The following DNAH10 variants were observed in gnomAD, a reference collection of about 807,000 sequenced individuals.
The protein encoded by DNAH10 is axonemal beta dynein heavy chain 10.
A neutral mutation model predicts 506.6 loss-of-function variants in DNAH10; 348 were observed. The ratio of observed to expected loss-of-function variants is 0.69; its 90% CI spans 0.63 to 0.75. DNAH10 has a LOEUF of 0.75. Ranked by LOEUF, DNAH10 falls within the 30% of genes least tolerant of loss-of-function variation. The probability of loss-of-function intolerance (pLI) is 0.00; values close to 1 mark genes in which losing one functional copy is unlikely to be tolerated. For missense variants in DNAH10, 5,179 were observed against 5,787.1 expected (o/e 0.89, Z 3.41); for synonymous variants, 2,059 against 2,198.6 (o/e 0.94, Z 1.78).
chr12:123,798,522 G>C (rs1241263214), intron 13 of DNAH10, among the ~76,000 whole-genome samples: 1 of 152,112 alleles, frequency 6.6e-6, no homozygotes, highest in Non-Finnish European at 1.5e-5. Context: ...TCGTGATCCA[G>C]TTGCCTCCCA....
chr12:123,888,536 G>C (rs1284188030), intron 52 of DNAH10, among the ~76,000 whole-genome samples: 1 of 152,182 alleles, frequency 6.6e-6, no homozygotes, highest in Non-Finnish European at 1.5e-5. Context: ...ATTCCCACAA[G>C]TCACGGGACA....
chr12:123,850,825 T>C lies in DNAH10; in HGVS notation c.6103-63T>C, dbSNP rs1023640520. On this transcript the variant is annotated intron_variant, in intron 34 of 78. Transcript: ENST00000673944. The surrounding 1 kb of genome is among the most constrained non-coding windows in gnomAD (Gnocchi z 5.5). ...CACGCAGCTCGCCGCAGGCCCCCTTTCCAAGGGGCTGGCCGGCCGGGCCAC... is the reference window on the plus strand; with the variant it reads ...CACGCAGCTCGCCGCAGGCCCCCTTCCCAAGGGGCTGGCCGGCCGGGCCAC... The C allele has an allele frequency of 9.8e-6, 15 of 1,527,768 alleles. No homozygotes were observed. In the African/African-American group the frequency reaches 1.9e-4, roughly 20 times the overall value. 94.6% of individuals were successfully genotyped at this position (1,527,768 alleles called of 1,614,324 possible).
At position 123,931,638 on chromosome 12, in the gene DNAH10, G is replaced by T. The variant is rs1342473452; in HGVS notation, c.12919G>T (p.Glu4307Ter). 6.2e-7 allele frequency: 1 copy of T among 1,613,814 alleles called. No homozygotes were observed. Among genetic ancestry groups the T allele is most frequent in the South Asian group, 1.1e-5 (1 of 91,066 alleles). ...HLLELQPQTGESSSGISRDDY... is the reference protein window; with the variant it reads ...HLLELQPQTG ...TCTGAAAAGTGTCCTGGTTTTAGGG[G>T]AATCCAGCAGTGGTATCAGCCGCGA... Residue 4307 changes from glutamate to a stop codon, truncating the protein, a stop_gained and splice_region_variant, in exon 75 of 79, where the codon GAA becomes TAA. Transcript: ENST00000673944. LOFTEE classifies it high-confidence loss of function.
intron 26 of DNAH10, 103 bp downstream of exon 26, chr12:123,830,802 G>T: frequency 1.8e-6 from 2 of 1,114,684 alleles, no homozygotes; most frequent in Non-Finnish European, 2.4e-6. Flanking sequence ...AAAATTAGCT[G>T]AGCGTGGTGG....
At chr12:123,767,734 C>T (rs529694798) in intron 2 of DNAH10, 45 bp downstream of exon 2, 2 of 1,543,464 alleles carry the variant, frequency 1.3e-6, no homozygotes, top group South Asian at 1.2e-5. Context: ...CTGAGAAAGC[C>T]CCCCCGCAGC....
At chr12:123,819,700 G>GTTTTTT (rs768231077) in intron 23 of DNAH10, among the ~76,000 whole-genome samples, 2 of 101,840 alleles carry the variant, frequency 2.0e-5, no homozygotes, top group African/African-American at 4.0e-5. Flanking sequence ...CTAAAATTCT[G>GTTTTTT]TTTTTTTTTT....
rs544814907 is a variant in DNAH10, at chr12:123,865,540, G to C, written c.7045-411G>C. On this transcript the variant is annotated intron_variant, in intron 40 of 78. Coordinates refer to ENST00000673944, the MANE Select transcript of DNAH10 (RefSeq NM_001372106.1). ...TAGGTTTGTTAATATATCTGGTTTAGCTTTGTACTTATGAAGTTTTATACT... is the reference window on the plus strand; with the variant it reads ...TAGGTTTGTTAATATATCTGGTTTACCTTTGTACTTATGAAGTTTTATACT... Among the ~76,000 whole-genome samples, 4 of 151,972 alleles carry C rather than the reference G, an allele frequency of 2.6e-5. No homozygotes were observed. In the East Asian group the frequency reaches 7.7e-4, roughly 29 times the overall value.
chr12:123,902,829 C>T lies in DNAH10; in HGVS notation c.9641-110C>T. On this transcript the variant is annotated intron_variant, in intron 56 of 78. Transcript: ENST00000673944. This position sits in a 1 kb window ranked among gnomAD's most constrained non-coding sequence, Gnocchi z 4.5. ...CACATTGGCCAGAGCCCCTTAGATC[C>T]CCGCTAGGGCTCAAGCCAACCTTTG... The T allele has an allele frequency of 7.3e-7, 1 of 1,362,384 alleles. No homozygotes were observed. Among genetic ancestry groups the T allele is most frequent in the Non-Finnish European group, 9.8e-7 (1 of 1,022,874 alleles). The allele number at this position is 1,362,384 out of a possible 1,614,324, so 84.4% of individuals were successfully genotyped here. A position where few individuals can be genotyped will look rare whatever the true frequency, so the allele number is the denominator to read the frequency against.
rs184981123 is a variant in DNAH10 at position 123,845,750 on chromosome 12, C to T, written c.5511C>T (p.Ile1837=). The T allele has an allele frequency of 2.0e-4, 329 of 1,613,906 alleles. 1 individual carries two copies. In the African/African-American group the frequency reaches 3.5e-3, roughly 17 times the overall value. Residue 1837 remains isoleucine, a synonymous_variant, in exon 31 of 79, where the codon ATC becomes ATT. Transcript: ENST00000673944. The stretch of plus-strand genomic sequence containing the variant: ...ATGGCAGGAAAATGCACCGGCAGAT[C>T]GATGAGTTGGTAACGCGCATCACCA... The part of the protein sequence containing the change: ...KNYGRKMHRQ[I]DELVTRITMP...
chr12:123,910,818 G>A (rs1261336052), intron 59 of DNAH10, 146 bp downstream of exon 59: 2 of 1,063,122 alleles, frequency 1.9e-6, no homozygotes, highest in Non-Finnish European at 1.3e-6. Flanking sequence ...CCAATAAATG[G>A]CAATCCTGAA....
At chr12:123,827,597 G>A (rs1230830752) in intron 25 of DNAH10, among the ~76,000 whole-genome samples, 2 of 152,126 alleles carry the variant, frequency 1.3e-5, no homozygotes, top group Non-Finnish European at 2.9e-5. Flanking sequence ...CCTCATTTGT[G>A]AGTTATGCTT....
chr12:123,865,189 G>A (rs1402042925), intron 40 of DNAH10, among the ~76,000 whole-genome samples: 2 of 152,134 alleles, frequency 1.3e-5, no homozygotes, highest in Non-Finnish European at 2.9e-5. Flanking sequence ...TTCTTTTAGA[G>A]CCATTTCCTT....
Position 123,924,339 on chromosome 12 carries a change from A to T in DNAH10, c.11673A>T (p.Gly3891=). 1 of 1,613,602 alleles carries T rather than the reference A, an allele frequency of 6.2e-7. No individual in the cohort carries two copies. Among genetic ancestry groups the T allele is most frequent in the Non-Finnish European group, 8.5e-7 (1 of 1,179,670 alleles). The change falls in exon 67 of 79, where the codon GGA becomes GGT. Residue 3891 remains glycine, a synonymous_variant. Coordinates refer to ENST00000673944, the MANE Select transcript of DNAH10 (RefSeq NM_001372106.1). ...CCTGCGCTTGGTTGTCTGACCAAGG[A>T]TGGGAAGATATCATTCTTTTATCAG... is the stretch of plus-strand genomic sequence containing the variant. ...KKPCAWLSDQ[G]WEDIILLSEM...
In DNAH10 at chr12:123,901,653, A is replaced by T. The variant is rs193039203; in HGVS notation, c.9641-1286A>T. Among the ~76,000 whole-genome samples the T allele has an allele frequency of 4.4e-3, 676 of 152,286 alleles. 4 individuals are homozygous for T. Among genetic ancestry groups the T allele is most frequent in the African/African-American group, 0.015 (618 of 41,558 alleles). ...GAAAACAACAGACATTTATTTTTTT[A>T]AATTAATTAATTAATTTATTTTTTT... On this transcript the variant is annotated intron_variant, in intron 56 of 78. Coordinates refer to ENST00000673944, the MANE Select transcript of DNAH10 (RefSeq NM_001372106.1).
chr12:123,931,685 C>G lies in DNAH10; in HGVS notation c.12966C>G (p.Ala4322=), dbSNP rs1232147113. 1 of 1,613,974 alleles carries G rather than the reference C, an allele frequency of 6.2e-7. No homozygotes were observed. The highest frequency in any genetic ancestry group is 8.5e-7 in the Non-Finnish European group (1 of 1,179,904). Residue 4322 remains alanine (A), a synonymous_variant, in exon 75 of 79, where the codon GCC becomes GCG. Coordinates refer to ENST00000673944, the MANE Select transcript of DNAH10 (RefSeq NM_001372106.1). ...ISRDDYIGQV[A]KEIENKMPKV... is the part of the protein sequence containing the mutation. The stretch of plus-strand genomic sequence containing the variant: ...GCGATGATTATATTGGCCAAGTGGC[C>G]AAAGAAATAGAAAACAAGATGCCCA...
intron 24 of DNAH10, among the ~76,000 whole-genome samples, chr12:123,825,488 G>T (rs1959880036): frequency 6.6e-6 from 1 of 152,168 alleles, no homozygotes; most frequent in South Asian, 2.1e-4. Context: ...GCGCATCCAC[G>T]CAACAACATG....
rs201379800 is a variant in DNAH10, at chr12:123,813,305, A to G, written c.3286A>G (p.Asn1096Asp). Residue 1096 changes from asparagine to aspartate, a missense_variant, in exon 20 of 79, where the codon AAT becomes GAT. By Grantham distance (23) the Asn-to-Asp change is conservative. Around this residue, in one of 3 missense-constraint regions of DNAH10, gnomAD observed 4,844 missense variants for 5,430.5 expected, o/e 0.89. Coordinates refer to ENST00000673944, the MANE Select transcript of DNAH10 (RefSeq NM_001372106.1). ...TGAACAAGCTGTTATGATCCCCCAA[A>G]ATGTCCACAGGATTCTGATCAATCT... ...IIEQAVMIPQ[N>D]VHRILINLMK... The G allele has an allele frequency of 8.7e-6, 14 of 1,614,180 alleles. No individual in the cohort carries two copies. The Admixed American group carries it at 1.7e-4, about 19-fold the overall frequency.
intron 54 of DNAH10, among the ~76,000 whole-genome samples, chr12:123,895,245 T>C (rs1953166924): frequency 6.6e-6 from 1 of 152,206 alleles, no homozygotes; most frequent in Admixed American, 6.5e-5. Flanking sequence ...CCTAAGGCCT[T>C]GGATATTAAT....
intron 48 of DNAH10, 94 bp downstream of exon 48, chr12:123,878,002 T>C: frequency 2.8e-6 from 4 of 1,424,380 alleles, no homozygotes; most frequent in Admixed American, 4.4e-5. Flanking sequence ...ATTTGATGAA[T>C]CGTTGTATGA....
Sources: gnomAD v4.1 joint callset for allele counts (sites outside exome capture counted in the v4.1 genomes callset) on GRCh38, gnomAD v4.1.1 for gene constraint, gnomAD v4.1.1 regional missense constraint, Gnocchi (gnomAD v3.1) non-coding constraint, MANE v1.5 for transcripts, NCBI Gene and HGNC (gene_info 2026-07-23, HGNC 2026-07-21) for gene names.